RNF144B: variants seen among roughly 807,000 people sequenced by gnomAD.
RNF144B encodes the protein E3 ubiquitin-protein ligase RNF144B.
A neutral mutation model predicts 40.2 loss-of-function variants in RNF144B; 25 were observed. The observed-to-expected ratio is 0.62, with a 90% CI of 0.45 to 0.87. The LOEUF (loss-of-function observed/expected upper bound fraction) is 0.87, where lower values mean the gene tolerates loss of function less well. Ranked by LOEUF, RNF144B falls within the 40% of genes least tolerant of loss-of-function variation. RNF144B has a pLI of 0.00. For synonymous variants in RNF144B, 145 were observed against 136.3 expected, an observed-to-expected ratio of 1.06 and a Z score of -0.44; for missense variants, 365 against 373.7, an observed-to-expected ratio of 0.98 and a Z score of 0.19.
At chr6:18,463,209 C>A in intron 6 of RNF144B, 82 bp from the exon 7 acceptor site, 1 of 881,380 alleles carries the variant, frequency 1.1e-6, no homozygotes, top group Non-Finnish European at 1.9e-6. Flanking sequence ...CTTTGCCTTC[C>A]ATTTGGTGAT....
In RNF144B at chr6:18,405,965, C is replaced by T. The variant is rs1231068335; in HGVS notation, c.165+6266C>T. The T allele has an allele frequency of 2.0e-6, 1 of 498,022 alleles. No individual in the cohort carries two copies. Among genetic ancestry groups the T allele is most frequent in the East Asian group, 5.5e-5 (1 of 18,136 alleles). 30.9% of individuals were successfully genotyped at this position (498,022 alleles called of 1,614,324 possible). A position where few individuals can be genotyped will look rare whatever the true frequency, so the allele number is the denominator to read the frequency against. The stretch of plus-strand genomic sequence containing the variant: ...GACCTTAGATCTTCTAGTTCCCCCA[C>T]CCTCCTAATGAAAGAAGTCATTTTC... On this transcript the variant is annotated intron_variant, in intron 2 of 7. Transcript: ENST00000259939. The surrounding 1 kb of genome is among the most constrained non-coding windows in gnomAD (Gnocchi z 4.5).
rs1189311429 is a variant in RNF144B at position 18,412,190 on chromosome 6, T to A, written c.165+12491T>A. ...GTTACCAAATTACTGTTCCAAACTG[T>A]TGCACCAGCTTGGCAACTCCACCAA... On this transcript the variant is annotated intron_variant, in intron 2 of 7. Transcript: ENST00000259939. The surrounding 1 kb of genome is among the most constrained non-coding windows in gnomAD (Gnocchi z 4.2). 2.0e-5 allele frequency among the ~76,000 whole-genome samples: 3 copies of A among 152,188 alleles called. No homozygotes were observed. The highest frequency in any genetic ancestry group is 4.4e-5 in the Non-Finnish European group (3 of 68,030).
chr6:18,460,745 A>G lies in RNF144B; in HGVS notation c.681+994A>G, dbSNP rs904206606. On this transcript the variant is annotated intron_variant, in intron 6 of 7. Transcript: ENST00000259939. This position sits in a 1 kb window ranked among gnomAD's most constrained non-coding sequence, Gnocchi z 4.4. ...CTCACCATTCATGAATCAAGTCTCAAATTGAGGTGCAGTTTTATTCAGCCC... is the reference window on the plus strand; with the variant it reads ...CTCACCATTCATGAATCAAGTCTCAGATTGAGGTGCAGTTTTATTCAGCCC... 3.3e-5 allele frequency among the ~76,000 whole-genome samples: 5 copies of G among 152,060 alleles called. No individual in the cohort carries two copies. The highest frequency in any genetic ancestry group is 1.2e-4 in the African/African-American group (5 of 41,396).
At chr6:18,445,465 CATTTCTTGCCTCGCATA>C in intron 4 of RNF144B, among the ~76,000 whole-genome samples, 1 of 152,164 alleles carries the variant, frequency 6.6e-6, no homozygotes. Flanking sequence ...TTTTAAATAG[CATTTCTTGCCTCGCATA>C]ATTTACATGA....
At position 18,416,189 on chromosome 6, in the gene RNF144B, A is replaced by C. The variant is rs148221060; in HGVS notation, c.166-11392A>C. ...ATAAGATAGCACCTGGGCCAGAGGG[A>C]TCTCTTTGGGATTAGTATAAAAAGT... is the stretch of plus-strand genomic sequence containing the variant. On this transcript the variant is annotated intron_variant, in intron 2 of 7. Coordinates refer to ENST00000259939, the MANE Select transcript of RNF144B (RefSeq NM_182757.4). The surrounding 1 kb of genome is among the most constrained non-coding windows in gnomAD (Gnocchi z 5.5). Among the ~76,000 whole-genome samples the C allele has an allele frequency of 6.6e-6, 1 of 152,150 alleles. No individual in the cohort carries two copies. Among genetic ancestry groups the C allele is most frequent in the Admixed American group, 6.6e-5 (1 of 15,256 alleles).
In RNF144B at chr6:18,412,721, T is replaced by C. The variant is rs943063955; in HGVS notation, c.165+13022T>C. Among the ~76,000 whole-genome samples the C allele has an allele frequency of 2.0e-5, 3 of 152,192 alleles. No individual in the cohort carries two copies. The highest frequency in any genetic ancestry group is 7.2e-5 in the African/African-American group (3 of 41,450). Reference sequence around the variant, plus strand: ...TCATTAAAGATTGGTTATATAAGGCTTATCTATGTGGATTCCAGATATGCA... The same window carrying C: ...TCATTAAAGATTGGTTATATAAGGCCTATCTATGTGGATTCCAGATATGCA... On this transcript the variant is annotated intron_variant, in intron 2 of 7. Transcript: ENST00000259939. The surrounding 1 kb of genome is among the most constrained non-coding windows in gnomAD (Gnocchi z 4.2).
intron 3 of RNF144B, among the ~76,000 whole-genome samples, chr6:18,438,559 C>G (rs1758878659): frequency 6.6e-6 from 1 of 152,052 alleles, no homozygotes; most frequent in Admixed American, 6.6e-5. Context: ...AATTTAGATT[C>G]ATTTGCGAAA....
chr6:18,414,806 A>T lies in RNF144B; in HGVS notation c.166-12775A>T, dbSNP rs1795115001. Among the ~76,000 whole-genome samples the T allele has an allele frequency of 6.6e-6, 1 of 152,050 alleles. No homozygotes were observed. Among genetic ancestry groups the T allele is most frequent in the African/African-American group, 2.4e-5 (1 of 41,390 alleles). ...GTACAACATCCTGTTTCTATTCTTG[A>T]AGGTGAAAAAGAACAAAAACTTTTA... On this transcript the variant is annotated intron_variant, in intron 2 of 7. Transcript: ENST00000259939. The surrounding 1 kb of genome is among the most constrained non-coding windows in gnomAD (Gnocchi z 4.9).
At chr6:18,427,029 A>G (rs1758570340) in intron 2 of RNF144B, among the ~76,000 whole-genome samples, 1 of 152,056 alleles carries the variant, frequency 6.6e-6, no homozygotes, top group South Asian at 2.1e-4. Flanking sequence ...TTGGGAAGCA[A>G]GTTATCTTTG....
chr6:18,419,309 A>C lies in RNF144B; in HGVS notation c.166-8272A>C, dbSNP rs1795206845. On this transcript the variant is annotated intron_variant, in intron 2 of 7. Transcript: ENST00000259939. This position sits in a 1 kb window ranked among gnomAD's most constrained non-coding sequence, Gnocchi z 4.6. ...CATAAAAACATACCAGGCTTAGATC[A>C]TTTTCTTCGGGGGCACTGCTCTCTG... Among the ~76,000 whole-genome samples, 1 of 151,918 alleles carries C rather than the reference A, an allele frequency of 6.6e-6. No homozygotes were observed. Among genetic ancestry groups the C allele is most frequent in the Non-Finnish European group, 1.5e-5 (1 of 67,984 alleles).
chr6:18,425,236 G>A lies in RNF144B; in HGVS notation c.166-2345G>A, dbSNP rs1240285005. Among the ~76,000 whole-genome samples the A allele has an allele frequency of 6.6e-6, 1 of 152,144 alleles. No homozygotes were observed. The highest frequency in any genetic ancestry group is 1.9e-4 in the East Asian group (1 of 5,198). Reference sequence around the variant, plus strand: ...TGAAGTTCTTTGCATTGTTCACTTTGTTTTCCTCAAACACCTTCCCCTTGA... The same window carrying A: ...TGAAGTTCTTTGCATTGTTCACTTTATTTTCCTCAAACACCTTCCCCTTGA... On this transcript the variant is annotated intron_variant, in intron 2 of 7. Transcript: ENST00000259939. The surrounding 1 kb of genome is among the most constrained non-coding windows in gnomAD (Gnocchi z 4.2).
Position 18,459,796 on chromosome 6 carries a change from T to C in RNF144B, c.681+45T>C, listed in dbSNP as rs369225452. 3 of 1,545,192 alleles carry C rather than the reference T, an allele frequency of 1.9e-6. No homozygotes were observed. In the African/African-American group the frequency reaches 4.1e-5, roughly 21 times the overall value. ...GTTGTATGGTGTTTCCTATACTGTA[T>C]CTGCACCACAGCTGATATCCTACAG... is the stretch of plus-strand genomic sequence containing the variant. On this transcript the variant is annotated intron_variant, in intron 6 of 7. Coordinates refer to ENST00000259939, the MANE Select transcript of RNF144B (RefSeq NM_182757.4). This position sits in a 1 kb window ranked among gnomAD's most constrained non-coding sequence, Gnocchi z 4.2.
chr6:18,387,754 G>T (rs1794488266), intron 1 of RNF144B, 124 bp downstream of exon 1: 1 of 667,850 alleles, frequency 1.5e-6, no homozygotes, highest in Non-Finnish European at 2.2e-6. Context: ...TGTCTCTAGT[G>T]CTCAAACCAT....
At position 18,465,611 on chromosome 6, in the gene RNF144B, G is replaced by T. The variant is rs1351172755; in HGVS notation, c.*544G>T. 2.0e-5 allele frequency: 3 copies of T among 152,732 alleles called. No homozygotes were observed. The highest frequency in any genetic ancestry group is 4.4e-5 in the Non-Finnish European group (3 of 68,518). 9.5% of individuals were successfully genotyped at this position (152,732 alleles called of 1,614,324 possible). On this transcript the variant is annotated 3_prime_UTR_variant, in exon 8 of 8. Coordinates refer to ENST00000259939, the MANE Select transcript of RNF144B (RefSeq NM_182757.4). ...GTGGTTGTGCCTCTGCTGGCTACTG[G>T]GTGTGCTGTCCCCATGTTCCCGCTG...
intron 1 of RNF144B, among the ~76,000 whole-genome samples, chr6:18,397,040 CT>C (rs1794706529): frequency 6.6e-6 from 1 of 152,154 alleles, no homozygotes; most frequent in Non-Finnish European, 1.5e-5. Context: ...CATTAGTTAG[CT>C]TCCTATTTAA....
Position 18,416,232 on chromosome 6 carries a change from A to G in RNF144B, c.166-11349A>G, listed in dbSNP as rs1795147335. ...TAAAAAGTGGGGCCTCCTTCTGTTA[A>G]GAAAGGCAGCACAAGTGGGACAAAA... On this transcript the variant is annotated intron_variant, in intron 2 of 7. Coordinates refer to ENST00000259939, the MANE Select transcript of RNF144B (RefSeq NM_182757.4). The surrounding 1 kb of genome is among the most constrained non-coding windows in gnomAD (Gnocchi z 5.5). Among the ~76,000 whole-genome samples the G allele has an allele frequency of 6.6e-6, 1 of 152,212 alleles. No homozygotes were observed. The highest frequency in any genetic ancestry group is 2.1e-4 in the South Asian group (1 of 4,830).
At chr6:18,435,995 A>C (rs1282414762) in intron 3 of RNF144B, among the ~76,000 whole-genome samples, 1 of 152,066 alleles carries the variant, frequency 6.6e-6, no homozygotes, top group Admixed American at 6.5e-5. Context: ...CACGTTGTGC[A>C]CATGTACCCT....
rs947377685 is a variant in RNF144B, at chr6:18,411,833, C to T, written c.165+12134C>T. On this transcript the variant is annotated intron_variant, in intron 2 of 7. Transcript: ENST00000259939. ...TCTAGACTCTTTCCCTGTGTACTTA[C>T]GCACATCACTTAATAGAGAAATGGG... Among the ~76,000 whole-genome samples the T allele has an allele frequency of 6.6e-5, 10 of 152,170 alleles. No individual in the cohort carries two copies. In the East Asian group the frequency reaches 1.2e-3, roughly 18 times the overall value.
chr6:18,428,581 A>G (rs1038795972), intron 3 of RNF144B, among the ~76,000 whole-genome samples: 5 of 152,124 alleles, frequency 3.3e-5, no homozygotes, highest in African/African-American at 1.2e-4. Flanking sequence ...AAATTAGAAT[A>G]TAATGAACTC....
Sources: gnomAD v4.1 joint callset for allele counts (sites outside exome capture counted in the v4.1 genomes callset) on GRCh38, gnomAD v4.1.1 for gene constraint, Gnocchi (gnomAD v3.1) non-coding constraint, MANE v1.5 for transcripts, NCBI Gene and HGNC (gene_info 2026-07-23, HGNC 2026-07-21) for gene names.